The following KAT6A variants were observed in gnomAD, a reference collection of about 807,000 sequenced individuals.
KAT6A encodes the protein histone acetyltransferase KAT6A.
A neutral mutation model predicts 198.4 loss-of-function variants in KAT6A; 9 were observed. That is an observed-to-expected ratio of 0.05 (90% confidence interval 0.03 to 0.08). KAT6A has a LOEUF of 0.08. Among genes scored for constraint, KAT6A ranks in the 10% least tolerant of loss-of-function variants. The pLI, the probability that KAT6A is intolerant of heterozygous loss-of-function variation, is 1.00. For synonymous variants in KAT6A, 890 were observed against 883.0 expected (o/e 1.01, Z -0.14); for missense variants, 2,077 against 2,509.9 (o/e 0.83, Z 3.69).
At chr8:42,020,487 T>C (rs530644064) in intron 2 of KAT6A, among the ~76,000 whole-genome samples, 5 of 152,310 alleles carry the variant, frequency 3.3e-5, no homozygotes, top group African/African-American at 9.6e-5. Context: ...TACATATACT[T>C]TGTTGTTATT....
Position 41,955,322 on chromosome 8 carries a change from G to T in KAT6A, c.1572C>A (p.Ser524=). 1 of 1,609,406 alleles carries T rather than the reference G, an allele frequency of 6.2e-7. No individual in the cohort carries two copies. Among genetic ancestry groups the T allele is most frequent in the Non-Finnish European group, 8.5e-7 (1 of 1,175,726 alleles). Residue 524 remains serine (S), a synonymous_variant, in exon 9 of 17, where the codon TCC becomes TCA. Transcript: ENST00000265713. The part of the protein sequence containing the change: ...FGKYEIHTWY[S]SPYPQEYSRL... The stretch of plus-strand genomic sequence containing the variant: ...TTGAGTATTCTTGAGGATATGGGGA[G>T]GAGTACCAGGTGTGAATTTCATACT...
intron 2 of KAT6A, among the ~76,000 whole-genome samples, chr8:42,044,383 G>A (rs1587864523): frequency 6.6e-6 from 1 of 151,988 alleles, no homozygotes; most frequent in Non-Finnish European, 1.5e-5. Context: ...TTACAGGCCT[G>A]AGCCACCAGG....
At chr8:42,025,482 G>A (rs1826767481) in intron 2 of KAT6A, among the ~76,000 whole-genome samples, 1 of 152,126 alleles carries the variant, frequency 6.6e-6, no homozygotes, top group Non-Finnish European at 1.5e-5. Flanking sequence ...CCAAAGTGCT[G>A]GGATTACAGG....
intron 1 of KAT6A, among the ~76,000 whole-genome samples, chr8:42,049,876 A>T (rs1375209497): frequency 6.6e-6 from 1 of 152,262 alleles, no homozygotes; most frequent in Non-Finnish European, 1.5e-5. Context: ...GTATTACCTT[A>T]ATCTCTCCTA....
chr8:42,035,227 C>T (rs1048476238), intron 2 of KAT6A, among the ~76,000 whole-genome samples: 4 of 152,150 alleles, frequency 2.6e-5, no homozygotes, highest in African/African-American at 7.2e-5. Context: ...GAAGATGACA[C>T]CAAAGTTTCC....
intron 8 of KAT6A, among the ~76,000 whole-genome samples, chr8:41,960,772 T>C (rs1255929118): frequency 6.6e-6 from 1 of 152,108 alleles, no homozygotes; most frequent in Non-Finnish European, 1.5e-5. Context: ...GGAGGACCCA[T>C]AATCCAGTGC....
intron 6 of KAT6A, among the ~76,000 whole-genome samples, chr8:41,977,775 T>G (rs893187064): frequency 2.0e-5 from 3 of 152,182 alleles, no homozygotes; most frequent in African/African-American, 7.2e-5. Flanking sequence ...GGGTTATTCT[T>G]CGAAGGCCAG....
At chr8:41,954,967 A>G (rs946229285) in intron 9 of KAT6A, among the ~76,000 whole-genome samples, 1 of 152,172 alleles carries the variant, frequency 6.6e-6, no homozygotes, top group African/African-American at 2.4e-5. Flanking sequence ...TAATTTATAT[A>G]TGAGTTCTTC....
At chr8:42,008,013 A>C (rs985654417) in intron 2 of KAT6A, among the ~76,000 whole-genome samples, 1 of 151,730 alleles carries the variant, frequency 6.6e-6, no homozygotes, top group Non-Finnish European at 1.5e-5. Flanking sequence ...TCATAATCCC[A>C]ATCAATTAAT....
At position 41,931,433 on chromosome 8, in the gene KAT6A, T is replaced by C. The variant is rs1821537256; in HGVS notation, c.*772A>G. ...CTGTTAATTGAGACTTACAGTATTTTTGTGTCTCTGAGTGCTGAGTGGGAA... is the reference window on the plus strand; with the variant it reads ...CTGTTAATTGAGACTTACAGTATTTCTGTGTCTCTGAGTGCTGAGTGGGAA... On this transcript the variant is annotated 3_prime_UTR_variant, in exon 17 of 17. Coordinates refer to ENST00000265713, the MANE Select transcript of KAT6A (RefSeq NM_006766.5). The C allele has an allele frequency of 4.8e-6, 1 of 208,010 alleles. No homozygotes were observed. The allele number at this position is 208,010 out of a possible 1,614,324, so 12.9% of individuals were successfully genotyped here. A position where few individuals can be genotyped will look rare whatever the true frequency, so the allele number is the denominator to read the frequency against.
chr8:41,936,246 G>C lies in KAT6A; in HGVS notation c.3352+1010C>G, dbSNP rs186022895. Among the ~76,000 whole-genome samples, 117 of 152,156 alleles carry C rather than the reference G, an allele frequency of 7.7e-4. 1 individual carries two copies. Among genetic ancestry groups the C allele is most frequent in the Middle Eastern group, 3.4e-3 (1 of 292 alleles). On this transcript the variant is annotated intron_variant, in intron 16 of 16. Coordinates refer to ENST00000265713, the MANE Select transcript of KAT6A (RefSeq NM_006766.5). ...ACTGCACTCCCACCTGGGTGACAGA[G>C]GGAGACTCCATCTCAAAAAAATAAA...
At chr8:41,962,701 A>C (rs1212446039) in intron 8 of KAT6A, among the ~76,000 whole-genome samples, 1 of 152,054 alleles carries the variant, frequency 6.6e-6, no homozygotes, top group Non-Finnish European at 1.5e-5. Flanking sequence ...TCTCATTCAG[A>C]GTAAAAGTCA....
chr8:41,947,179 T>A (rs1338036825), intron 11 of KAT6A, among the ~76,000 whole-genome samples: 2 of 152,228 alleles, frequency 1.3e-5, no homozygotes, highest in East Asian at 3.8e-4. Flanking sequence ...TTAAGTCACA[T>A]CTAACTAATG....
intron 10 of KAT6A, among the ~76,000 whole-genome samples, chr8:41,948,420 C>T (rs1016055478): frequency 2.0e-5 from 3 of 152,152 alleles, no homozygotes; most frequent in Non-Finnish European, 2.9e-5. Context: ...ACTATTGCCA[C>T]GCAGAAGCAC....
At chr8:41,991,736 G>A (rs1824956511) in intron 2 of KAT6A, among the ~76,000 whole-genome samples, 1 of 152,062 alleles carries the variant, frequency 6.6e-6, no homozygotes, top group African/African-American at 2.4e-5. Context: ...GGCTGAAGAT[G>A]GACTGAAAAG....
intron 2 of KAT6A, among the ~76,000 whole-genome samples, chr8:42,017,920 C>G (rs923611121): frequency 6.6e-6 from 1 of 152,154 alleles, no homozygotes; most frequent in Non-Finnish European, 1.5e-5. Flanking sequence ...AAGTACCTAT[C>G]ATGTGTCACC....
At chr8:42,010,314 A>C (rs1180022641) in intron 2 of KAT6A, among the ~76,000 whole-genome samples, 1 of 152,168 alleles carries the variant, frequency 6.6e-6, no homozygotes, top group African/African-American at 2.4e-5. Context: ...TCTATTGACA[A>C]TAGGCCAGAA....
intron 1 of KAT6A, among the ~76,000 whole-genome samples, chr8:42,051,642 G>A (rs1802661722): frequency 6.9e-6 from 1 of 145,562 alleles, no homozygotes; most frequent in Non-Finnish European, 1.5e-5. Context: ...CGCGGGGCCG[G>A]GCGGCGGCGC....
chr8:41,942,281 T>C (rs1377982875), intron 14 of KAT6A: 4 of 227,864 alleles, frequency 1.8e-5, no homozygotes, highest in Non-Finnish European at 3.5e-5. Context: ...TAATATTCTA[T>C]TTAAGGAAAA....
Sources: gnomAD v4.1 joint callset for allele counts (sites outside exome capture counted in the v4.1 genomes callset) on GRCh38, gnomAD v4.1.1 for gene constraint, MANE v1.5 for transcripts, NCBI Gene and HGNC (gene_info 2026-07-23, HGNC 2026-07-21) for gene names.